CDK19: variants seen among roughly 807,000 people sequenced by gnomAD.
CDK19 encodes cyclin-dependent kinase 19.
CDK19 carries 20 observed loss-of-function variants against 68.3 expected under a neutral mutation model. The ratio of observed to expected loss-of-function variants is 0.29; its 90% confidence interval spans 0.21 to 0.43. The LOEUF (loss-of-function observed/expected upper bound fraction) is 0.43, where lower values mean the gene tolerates loss of function less well. Ranked by LOEUF, CDK19 falls within the 20% of genes least tolerant of loss-of-function variation. CDK19 has a pLI of 1.00. For synonymous variants in CDK19, 221 were observed against 222.8 expected (o/e 0.99, Z 0.07); for missense variants, 339 against 623.5 (o/e 0.54, Z 4.86).
intron 1 of CDK19, among the ~76,000 whole-genome samples, chr6:110,759,428 A>AAAAAAAATATATATAT (rs1275389842): frequency 7.9e-5 from 4 of 50,908 alleles, no homozygotes; most frequent in African/African-American, 2.6e-4. Flanking sequence ...AAAAAAAAAA[A>AAAAAAAATATATATAT]ATATATATAT....
intron 4 of CDK19, among the ~76,000 whole-genome samples, chr6:110,651,460 C>T (rs1780968707): frequency 1.3e-5 from 2 of 152,182 alleles, no homozygotes; most frequent in East Asian, 3.9e-4. Context: ...AGGCCGGGCA[C>T]GATGGCACAA....
At chr6:110,678,335 C>T (rs1379528874) in intron 2 of CDK19, among the ~76,000 whole-genome samples, 1 of 152,012 alleles carries the variant, frequency 6.6e-6, no homozygotes, top group Admixed American at 6.6e-5. Context: ...TATCCAGCTG[C>T]CTCAAGAGCT....
In CDK19 at chr6:110,752,330, A is replaced by G. The variant is rs370036427; in HGVS notation, c.129-6129T>C. The stretch of plus-strand genomic sequence containing the variant: ...CTACTTTTCTTAATTATTTTGAAAC[A>G]AATCCCAGACATCTTTCCATTTCAT... On this transcript the variant is annotated intron_variant, in intron 1 of 12. Coordinates refer to ENST00000368911, the MANE Select transcript of CDK19 (RefSeq NM_015076.5). Among the ~76,000 whole-genome samples, 25 of 152,332 alleles carry G rather than the reference A, an allele frequency of 1.6e-4. No individual in the cohort carries two copies. The South Asian group carries it at 2.1e-3, about 13-fold the overall frequency.
intron 2 of CDK19, among the ~76,000 whole-genome samples, chr6:110,727,907 G>C (rs1776436566): frequency 6.6e-6 from 1 of 151,622 alleles, no homozygotes; most frequent in African/African-American, 2.4e-5. Flanking sequence ...AGGATCATTG[G>C]AGGCCAGAAA....
intron 1 of CDK19, among the ~76,000 whole-genome samples, chr6:110,775,767 A>C (rs554297446): frequency 1.3e-5 from 2 of 152,384 alleles, no homozygotes; most frequent in East Asian, 3.8e-4. Flanking sequence ...TATTATCTTC[A>C]TGGAATATTT....
chr6:110,791,191 CATTAATTA>C lies in CDK19; in HGVS notation c.128+23810_128+23817del, dbSNP rs1339798242. ...GTCTCAAAAAAAAAAAAATTTAATT[CATTAATTA>C]ATTAATTAAATAAAAATGTAGAACA... On this transcript the variant is annotated intron_variant, in intron 1 of 12. Transcript: ENST00000368911. Among the ~76,000 whole-genome samples, 7 of 150,678 alleles carry C rather than the reference CATTAATTA, an allele frequency of 4.6e-5. No homozygotes were observed. The South Asian group carries it at 1.5e-3, about 31-fold the overall frequency.
intron 1 of CDK19, among the ~76,000 whole-genome samples, chr6:110,794,277 C>T (rs142095228): frequency 3.9e-5 from 6 of 152,108 alleles, no homozygotes; most frequent in Admixed American, 3.3e-4. Flanking sequence ...GAACTCCTGA[C>T]CTCAGGTGAT....
At chr6:110,650,953 G>A (rs547055267) in intron 4 of CDK19, among the ~76,000 whole-genome samples, 5 of 152,282 alleles carry the variant, frequency 3.3e-5, no homozygotes, top group Non-Finnish European at 5.9e-5. Flanking sequence ...TTGCAGGAGG[G>A]CAAGGGCAAG....
intron 1 of CDK19, among the ~76,000 whole-genome samples, chr6:110,773,354 A>C (rs887097361): frequency 7.6e-4 from 115 of 152,230 alleles, no homozygotes; most frequent in South Asian, 1.5e-3. Flanking sequence ...AAAAAAAAAA[A>C]AAAAACAAGT....
intron 2 of CDK19, among the ~76,000 whole-genome samples, chr6:110,731,278 T>C (rs1422189531): frequency 6.6e-6 from 1 of 152,206 alleles, no homozygotes; most frequent in African/African-American, 2.4e-5. Context: ...CACTGGATTA[T>C]AGAATGACTC....
Position 110,617,662 on chromosome 6 carries a change from TACACACACACACACACACAC to T in CDK19, c.1378-3016_1378-2997del, listed in dbSNP as rs561387463. Among the ~76,000 whole-genome samples, 138 of 107,158 alleles carry T rather than the reference TACACACACACACACACACAC, an allele frequency of 1.3e-3. 4 individuals carry two copies. In the East Asian group the frequency reaches 0.027, roughly 21 times the overall value. 70.3% of individuals were successfully genotyped at this position (107,158 alleles called of 152,430 possible). ...AATAATAAAATTATTTATATATATA[TACACACACACACACACACAC>T]ACACACACACACACACACACACAAA... On this transcript the variant is annotated intron_variant, in intron 12 of 12. Transcript: ENST00000368911.
intron 6 of CDK19, among the ~76,000 whole-genome samples, chr6:110,630,137 C>A (rs532095831): frequency 2.6e-5 from 4 of 152,204 alleles, no homozygotes; most frequent in Admixed American, 2.6e-4. Flanking sequence ...GGCATGGACC[C>A]GCTGTGTTAG....
In CDK19 at chr6:110,635,696, C is replaced by A. The variant is rs1056639899; in HGVS notation, c.514+2953G>T. On this transcript the variant is annotated intron_variant, in intron 5 of 12. Transcript: ENST00000368911. ...CTGGGATTACAGGCACGCACCACCACGCCCAGCTAATTTTTGTATTTTTAG... is the reference window on the plus strand; with the variant it reads ...CTGGGATTACAGGCACGCACCACCAAGCCCAGCTAATTTTTGTATTTTTAG... Among the ~76,000 whole-genome samples, 3 of 152,218 alleles carry A rather than the reference C, an allele frequency of 2.0e-5. No individual in the cohort carries two copies. In the South Asian group the frequency reaches 6.2e-4, roughly 32 times the overall value.
rs1213730047 is a variant in CDK19, at chr6:110,610,335, TA to T, written c.*4199del. The stretch of plus-strand genomic sequence containing the variant: ...GAAAGGATATACTACATAACATATA[TA>T]AAAAGTACTTTAAATTGTTGTTAAA... On this transcript the variant is annotated 3_prime_UTR_variant, in exon 13 of 13. Transcript: ENST00000368911. 2 of 152,634 alleles carry T rather than the reference TA, an allele frequency of 1.3e-5. No homozygotes were observed. The highest frequency in any genetic ancestry group is 6.5e-5 in the Admixed American group (1 of 15,282). The allele number at this position is 152,634 out of a possible 1,614,324, so 9.5% of individuals were successfully genotyped here. A position where few individuals can be genotyped will look rare whatever the true frequency, so the allele number is the denominator to read the frequency against.
intron 1 of CDK19, among the ~76,000 whole-genome samples, chr6:110,746,871 A>G (rs1778110140): frequency 6.6e-6 from 1 of 152,230 alleles, no homozygotes; most frequent in South Asian, 2.1e-4. Context: ...TGCTTAACCA[A>G]GAGAATACAG....
intron 1 of CDK19, among the ~76,000 whole-genome samples, chr6:110,804,403 C>T (rs1782535238): frequency 6.6e-6 from 1 of 151,756 alleles, no homozygotes. Context: ...AGTGCAATGG[C>T]GCGATCTCGG....
chr6:110,787,130 TGGGAG>T (rs1781277234), intron 1 of CDK19, among the ~76,000 whole-genome samples: 1 of 152,152 alleles, frequency 6.6e-6, no homozygotes, highest in African/African-American at 2.4e-5. Context: ...CCCAGCACTT[TGGGAG>T]GTCCAGACGG....
At chr6:110,800,322 A>C (rs1042953290) in intron 1 of CDK19, among the ~76,000 whole-genome samples, 1 of 152,134 alleles carries the variant, frequency 6.6e-6, no homozygotes, top group African/African-American at 2.4e-5. Context: ...AAAGCCTACC[A>C]ACCAAAAATA....
chr6:110,686,883 C>T (rs1772535848), intron 2 of CDK19, among the ~76,000 whole-genome samples: 1 of 152,072 alleles, frequency 6.6e-6, no homozygotes, highest in Non-Finnish European at 1.5e-5. Flanking sequence ...TAACCCATAT[C>T]TTTATAACTT....
Sources: allele counts gnomAD v4.1 joint callset (sites outside exome capture counted in the v4.1 genomes callset), GRCh38; gene constraint gnomAD v4.1.1; transcripts MANE v1.5; gene names NCBI Gene and HGNC (gene_info 2026-07-23, HGNC 2026-07-21).